The following EYS variants were observed in gnomAD, a reference collection of about 807,000 sequenced individuals.
EYS encodes EGF-like photoreceptor maintenance factor, also known as protein eyes shut homolog.
In EYS, 250 loss-of-function variants were observed where a neutral mutation model predicts 282.1. The ratio of observed to expected loss-of-function variants is 0.89; its 90% CI spans 0.80 to 0.98. EYS has a LOEUF of 0.98. Among genes scored for constraint, EYS ranks in the 50% least tolerant of loss-of-function variants. The pLI is 0.00. For synonymous variants in EYS, 1,355 were observed against 1,282.9 expected, an observed-to-expected ratio of 1.06 and a Z score of -1.20; for missense variants, 4,016 against 3,709.0, an observed-to-expected ratio of 1.08 and a Z score of -2.15.
chr6:65,495,351 A>G lies in EYS; in HGVS notation c.60T>C (p.Asn20=), dbSNP rs766048690. The stretch of plus-strand genomic sequence containing the variant: ...CCAATTGCCGTCTACATGTTTTTCC[A>G]TTTATGAAAGAGCTGTGAAAAACCA... ...SLMVFHSSFI[N]GKTCRRQLVE... is the part of the protein sequence containing the mutation. The change falls in exon 4 of 43, where the codon AAT becomes AAC. Residue 20 remains asparagine (N), a synonymous_variant. Transcript: ENST00000503581. The G allele has an allele frequency of 6.8e-6, 11 of 1,613,648 alleles. No individual in the cohort carries two copies. In the East Asian group the frequency reaches 1.8e-4, roughly 26 times the overall value.
intron 14 of EYS, among the ~76,000 whole-genome samples, chr6:64,963,475 C>T (rs908350629): frequency 1.1e-4 from 17 of 152,122 alleles, no homozygotes; most frequent in African/African-American, 3.9e-4. Context: ...AATCCAACGA[C>T]TTGAATATTG....
At chr6:65,401,580 A>G (rs886887062) in intron 7 of EYS, among the ~76,000 whole-genome samples, 5 of 151,884 alleles carry the variant, frequency 3.3e-5, no homozygotes, top group African/African-American at 1.2e-4. Flanking sequence ...ACAGTTTTCA[A>G]TATCTTGATA....
intron 12 of EYS, among the ~76,000 whole-genome samples, chr6:65,196,620 T>C (rs956623382): frequency 6.6e-6 from 1 of 152,090 alleles, no homozygotes; most frequent in African/African-American, 2.4e-5. Flanking sequence ...GAGACTTAAA[T>C]TCTGGTGTAG....
intron 12 of EYS, among the ~76,000 whole-genome samples, chr6:65,225,309 A>C (rs1338562695): frequency 6.7e-6 from 1 of 150,036 alleles, no homozygotes; most frequent in East Asian, 1.9e-4. Context: ...ATATATAATT[A>C]TAATTATATA....
intron 31 of EYS, among the ~76,000 whole-genome samples, chr6:64,105,017 A>AG (rs1772960792): frequency 6.6e-6 from 1 of 151,942 alleles, no homozygotes; most frequent in Non-Finnish European, 1.5e-5. Context: ...ACTGAGAAAT[A>AG]GAGAGATGAA....
Position 64,361,627 on chromosome 6 carries a change from TAAG to T in EYS, c.6078+27060_6078+27062del, listed in dbSNP as rs371870892. 1.5e-3 allele frequency among the ~76,000 whole-genome samples: 229 copies of T among 151,866 alleles called. 1 individual carries two copies. The highest frequency in any genetic ancestry group is 5.0e-3 in the African/African-American group (207 of 41,500). On this transcript the variant is annotated intron_variant, in intron 29 of 42. Coordinates refer to ENST00000503581, the MANE Select transcript of EYS (RefSeq NM_001142800.2). ...CAAATTTTCACAAACCTAACACAAA[TAAG>T]AAGATCTTCTTTTGGGCTTGAGGAA...
chr6:65,534,571 C>T (rs1158239965), intron 2 of EYS, among the ~76,000 whole-genome samples: 3 of 152,212 alleles, frequency 2.0e-5, no homozygotes, highest in South Asian at 4.1e-4. Flanking sequence ...GCCAGCACTT[C>T]ATTGACTGAC....
At chr6:64,388,625 A>C (rs536962143) in intron 29 of EYS, 65 bp downstream of exon 29, 4 of 1,345,248 alleles carry the variant, frequency 3.0e-6, no homozygotes, top group Non-Finnish European at 3.9e-6. Context: ...TTTTTCATTT[A>C]TCAATATGAT....
rs114053476 is a variant in EYS at position 64,704,145 on chromosome 6, C to T, written c.3444-77900G>A. On this transcript the variant is annotated intron_variant, in intron 22 of 42. Coordinates refer to ENST00000503581, the MANE Select transcript of EYS (RefSeq NM_001142800.2). ...TTCTGGACTCGCATGAAATTCTAAA[C>T]AAGAATTTGGACAATTGAGTTAAAT... 4.5e-3 allele frequency among the ~76,000 whole-genome samples: 686 copies of T among 151,628 alleles called. 5 individuals are homozygous for T. Among genetic ancestry groups the T allele is most frequent in the African/African-American group, 0.015 (639 of 41,386 alleles).
chr6:65,294,700 G>C (rs1042933092), intron 12 of EYS, among the ~76,000 whole-genome samples: 1 of 151,832 alleles, frequency 6.6e-6, no homozygotes, highest in African/African-American at 2.4e-5. Context: ...GCATTATGCA[G>C]AGTTAAATTC....
intron 8 of EYS, among the ~76,000 whole-genome samples, chr6:65,380,686 C>T (rs1257008502): frequency 6.6e-6 from 1 of 152,036 alleles, no homozygotes; most frequent in Admixed American, 6.6e-5. Context: ...GAACAGGCAA[C>T]CTACAGAATG....
At chr6:65,453,488 G>A (rs1271437426) in intron 5 of EYS, among the ~76,000 whole-genome samples, 1 of 151,974 alleles carries the variant, frequency 6.6e-6, no homozygotes, top group East Asian at 1.9e-4. Context: ...GGTAGTTAGT[G>A]TATCTGTCAC....
Position 63,729,522 on chromosome 6 carries a change from CT to C in EYS, c.8072-2843del, listed in dbSNP as rs200980350. Among the ~76,000 whole-genome samples, 327 of 141,952 alleles carry C rather than the reference CT, an allele frequency of 2.3e-3. 1 individual carries two copies. The highest frequency in any genetic ancestry group is 2.8e-3 in the Non-Finnish European group (179 of 64,462). The allele number at this position is 141,952 out of a possible 152,430, so 93.1% of individuals were successfully genotyped here. ...AAGATGTCATGTCTGTGTCTAGATT[CT>C]TTTTTTTTTTTCTTTTTGCATGTGG... On this transcript the variant is annotated intron_variant, in intron 41 of 42. Transcript: ENST00000503581.
intron 2 of EYS, among the ~76,000 whole-genome samples, chr6:65,509,945 A>T (rs1766800009): frequency 6.6e-6 from 1 of 151,662 alleles, no homozygotes; most frequent in African/African-American, 2.4e-5. Flanking sequence ...TCTCTGTTGG[A>T]TCCTTGTTTC....
intron 31 of EYS, among the ~76,000 whole-genome samples, chr6:64,124,413 T>C (rs776826411): frequency 3.3e-5 from 5 of 152,198 alleles, no homozygotes; most frequent in Non-Finnish European, 5.9e-5. Flanking sequence ...CCCTGAGAAG[T>C]GTTAAATATA....
chr6:65,670,916 C>A (rs1038809594), intron 1 of EYS, among the ~76,000 whole-genome samples: 9 of 151,748 alleles, frequency 5.9e-5, no homozygotes, highest in Non-Finnish European at 1.0e-4. Context: ...ACCTATATTT[C>A]TTTTCACCGA....
intron 12 of EYS, among the ~76,000 whole-genome samples, chr6:65,287,529 T>A (rs991447722): frequency 2.6e-5 from 4 of 151,464 alleles, no homozygotes; most frequent in African/African-American, 9.7e-5. Flanking sequence ...CTTCCTGAAA[T>A]GCAACATTTA....
At chr6:64,119,190 G>C (rs1483243765) in intron 31 of EYS, among the ~76,000 whole-genome samples, 1 of 152,122 alleles carries the variant, frequency 6.6e-6, no homozygotes, top group East Asian at 1.9e-4. Flanking sequence ...AAACTGTTCA[G>C]TGACGGGTTT....
intron 12 of EYS, among the ~76,000 whole-genome samples, chr6:65,120,460 C>CAAAAAAAAGAAAAAAAAAA (rs1775506085): frequency 1.5e-5 from 1 of 68,288 alleles, no homozygotes; most frequent in African/African-American, 6.0e-5. Context: ...TTTAAATAAG[C>CAAAAAAAAGAAAAAAAAAA]AAAAAAAAAA....
Sources: gnomAD v4.1 joint callset for allele counts (sites outside exome capture counted in the v4.1 genomes callset) on GRCh38, gnomAD v4.1.1 for gene constraint, MANE v1.5 for transcripts, NCBI Gene and HGNC (gene_info 2026-07-23, HGNC 2026-07-21) for gene names.